The following PSPC1 variants were observed in gnomAD, a reference collection of about 807,000 sequenced individuals.
PSPC1 encodes the protein paraspeckle protein 1.
Under a neutral mutation model 51.6 loss-of-function variants are expected in PSPC1, and 14 were observed. The observed-to-expected ratio is 0.27, with a 90% CI of 0.18 to 0.42. The LOEUF is 0.42. Ranked by LOEUF, PSPC1 falls within the 10% of genes least tolerant of loss-of-function variation. PSPC1 has a pLI of 1.00. For synonymous variants in PSPC1, 193 were observed against 231.9 expected (o/e 0.83, Z 1.53); for missense variants, 406 against 701.1 (o/e 0.58, Z 4.75).
rs1438530542 is a variant in PSPC1 at position 19,755,315 on chromosome 13, C to A, written c.771-3848G>T. 2.0e-5 allele frequency among the ~76,000 whole-genome samples: 3 copies of A among 152,022 alleles called. No homozygotes were observed. In the South Asian group the frequency reaches 6.2e-4, roughly 32 times the overall value. On this transcript the variant is annotated intron_variant, in intron 3 of 8. Transcript: ENST00000338910. ...AAGAATAGATATTAATTAGGCTGGG[C>A]ATGGTGGCTCACGCCTGTAATCCCA... is the stretch of plus-strand genomic sequence containing the variant.
intron 6 of PSPC1, among the ~76,000 whole-genome samples, chr13:19,710,440 T>C (rs537421880): frequency 6.6e-6 from 1 of 152,168 alleles, no homozygotes; most frequent in Non-Finnish European, 1.5e-5. Context: ...CCATTTCCAA[T>C]CACAGAAAAC....
At chr13:19,689,952 C>T (rs565900165) in intron 6 of PSPC1, among the ~76,000 whole-genome samples, 19 of 152,068 alleles carry the variant, frequency 1.2e-4, no homozygotes, top group African/African-American at 4.1e-4. Flanking sequence ...AAGCAAGCAA[C>T]TGAAAAAAAG....
At chr13:19,705,561 G>A (rs1366860464) in intron 8 of PSPC1, 101 bp downstream of exon 8, 13 of 791,480 alleles carry the variant, frequency 1.6e-5, no homozygotes, top group Middle Eastern at 4.1e-4. Context: ...TTCATTGGCT[G>A]CCAAAACAAA....
intron 7 of PSPC1, chr13:19,675,154 G>C (rs780686473): frequency 1.3e-5 from 2 of 152,790 alleles, no homozygotes; most frequent in Non-Finnish European, 2.9e-5. Context: ...TTGCTTGCCT[G>C]AGCCAGTTCA....
intron 6 of PSPC1, among the ~76,000 whole-genome samples, chr13:19,727,164 C>T (rs894911474): frequency 6.6e-6 from 1 of 152,180 alleles, no homozygotes; most frequent in Admixed American, 6.5e-5. Flanking sequence ...GAAGCCAAGG[C>T]GGGCAGATCA....
intron 2 of PSPC1, among the ~76,000 whole-genome samples, chr13:19,763,329 CT>C (rs1423846819): frequency 6.6e-6 from 1 of 152,006 alleles, no homozygotes; most frequent in Non-Finnish European, 1.5e-5. Flanking sequence ...CCAGGTTACT[CT>C]TTTTGCAAAT....
In PSPC1 at chr13:19,776,050, CA is replaced by C. The variant is rs373885544; in HGVS notation, c.373-3508del. Among the ~76,000 whole-genome samples, 87 of 140,348 alleles carry C rather than the reference CA, an allele frequency of 6.2e-4. 1 individual carries two copies. The highest frequency in any genetic ancestry group is 5.3e-3 in the Admixed American group (75 of 14,024). The allele number at this position is 140,348 out of a possible 152,430, so 92.1% of individuals were successfully genotyped here. A position where few individuals can be genotyped will look rare whatever the true frequency, so the allele number is the denominator to read the frequency against. The stretch of plus-strand genomic sequence containing the variant: ...TGGGTGACAGAGCAAGACTCCATCT[CA>C]AAAAAAAAATAAAATAAAATGAGAA... On this transcript the variant is annotated intron_variant, in intron 1 of 8. Transcript: ENST00000338910.
chr13:19,759,861 CAAA>C (rs60889099), intron 2 of PSPC1, among the ~76,000 whole-genome samples: 1 of 131,778 alleles, frequency 7.6e-6, no homozygotes, highest in Non-Finnish European at 1.6e-5. Flanking sequence ...GACTCCATCA[CAAA>C]AAAAAAAAAA....
At chr13:19,708,889 G>C (rs1270463453) in intron 7 of PSPC1, among the ~76,000 whole-genome samples, 1 of 152,138 alleles carries the variant, frequency 6.6e-6, no homozygotes, top group Non-Finnish European at 1.5e-5. Context: ...TAGGACAGGC[G>C]AGGTGGCTCA....
rs538377221 is a variant in PSPC1, at chr13:19,711,480, CA to C, written c.1159-1882del. Reference sequence around the variant, plus strand: ...TGAAACCCCGTTTCTACTAAAAATACAAAAAAAATTAGCCAGGTGTGGTGGC... The same window carrying C: ...TGAAACCCCGTTTCTACTAAAAATACAAAAAAATTAGCCAGGTGTGGTGGC... On this transcript the variant is annotated intron_variant, in intron 6 of 8. Transcript: ENST00000338910. Among the ~76,000 whole-genome samples the C allele has an allele frequency of 1.3e-4, 20 of 150,854 alleles. No individual in the cohort carries two copies. The South Asian group carries it at 2.9e-3, about 22-fold the overall frequency.
In PSPC1 at chr13:19,782,257, T is replaced by A. The variant is rs1352536574; in HGVS notation, c.372+129A>T. ...GGCCAACCCCGCACAGAGGAATCGA[T>A]GAGGCCGAGCGGCGCCACGGTTGCC... On this transcript the variant is annotated intron_variant, in intron 1 of 8. Coordinates refer to ENST00000338910, the MANE Select transcript of PSPC1 (RefSeq NM_001354909.2). The surrounding 1 kb of genome is among the most constrained non-coding windows in gnomAD (Gnocchi z 4.5). The A allele has an allele frequency of 1.5e-6, 2 of 1,372,706 alleles. No homozygotes were observed. The highest frequency in any genetic ancestry group is 3.0e-5 in the African/African-American group (2 of 66,324). The allele number at this position is 1,372,706 out of a possible 1,614,324, so 85.0% of individuals were successfully genotyped here.
intron 6 of PSPC1, among the ~76,000 whole-genome samples, chr13:19,718,242 A>G (rs534246848): frequency 2.0e-5 from 3 of 152,318 alleles, no homozygotes; most frequent in Admixed American, 2.0e-4. Context: ...TTTAAAAAAT[A>G]TAAGACAATC....
chr13:19,738,513 C>T lies in PSPC1; in HGVS notation c.1052+3052G>A, dbSNP rs145972587. The stretch of plus-strand genomic sequence containing the variant: ...ACTGTTTACAGAGAACGACAAGTAA[C>T]AAAAAGTCCTCCTACACACTTAAAA... On this transcript the variant is annotated intron_variant, in intron 5 of 8. Coordinates refer to ENST00000338910, the MANE Select transcript of PSPC1 (RefSeq NM_001354909.2). Among the ~76,000 whole-genome samples, 30 of 152,208 alleles carry T rather than the reference C, an allele frequency of 2.0e-4. No individual in the cohort carries two copies. The East Asian group carries it at 3.9e-3, about 20-fold the overall frequency.
intron 2 of PSPC1, among the ~76,000 whole-genome samples, chr13:19,768,723 A>G (rs1239840235): frequency 6.6e-6 from 1 of 151,104 alleles, no homozygotes; most frequent in Admixed American, 6.6e-5. Flanking sequence ...ATATTTCAGG[A>G]AAGATATATA....
chr13:19,760,215 T>A (rs867957202), intron 2 of PSPC1, among the ~76,000 whole-genome samples: 13 of 152,142 alleles, frequency 8.5e-5, no homozygotes, highest in Admixed American at 2.6e-4. Context: ...TATCTATCAG[T>A]ATTGTTCAGA....
chr13:19,733,223 A>C (rs1158520058), intron 5 of PSPC1, among the ~76,000 whole-genome samples: 1 of 152,220 alleles, frequency 6.6e-6, no homozygotes, highest in African/African-American at 2.4e-5. Context: ...GACAAGAAAC[A>C]CATCTGTTAC....
At chr13:19,741,158 GCTACTGC>G (rs1177189010) in intron 5 of PSPC1, among the ~76,000 whole-genome samples, 4 of 152,146 alleles carry the variant, frequency 2.6e-5, no homozygotes, top group Non-Finnish European at 5.9e-5. Context: ...ACAGGCATGA[GCTACTGC>G]CCCCAGCCTC....
chr13:19,762,068 A>AT (rs1261336436), intron 2 of PSPC1, among the ~76,000 whole-genome samples: 2 of 152,208 alleles, frequency 1.3e-5, no homozygotes, highest in Non-Finnish European at 2.9e-5. Context: ...TATGTTAGAG[A>AT]TTTTAACAAA....
rs1429915702 is a variant in PSPC1, at chr13:19,782,687, G to T, written c.71C>A (p.Ser24Tyr). ...KNPARLRALE[S>Y]AVGESEPAAA... The stretch of plus-strand genomic sequence containing the variant: ...CGCCGGCTCGCTCTCGCCCACCGCG[G>T]ACTCCAGGGCGCGAAGGCGGGCCGG... The change falls in exon 1 of 9, where the codon TCC becomes TAC. Residue 24 changes from serine (S) to tyrosine (Y), a missense_variant. Physicochemically the swap from Ser to Tyr is moderately radical, Grantham distance 144 (BLOSUM62 -2). Coordinates refer to ENST00000338910, the MANE Select transcript of PSPC1 (RefSeq NM_001354909.2). The surrounding 1 kb of genome is among the most constrained non-coding windows in gnomAD (Gnocchi z 4.5). 2 of 1,568,342 alleles carry T rather than the reference G, an allele frequency of 1.3e-6. No homozygotes were observed. The highest frequency in any genetic ancestry group is 2.8e-5 in the African/African-American group (2 of 70,412).
Sources: gnomAD v4.1 joint callset for allele counts (sites outside exome capture counted in the v4.1 genomes callset) on GRCh38, gnomAD v4.1.1 for gene constraint, Gnocchi (gnomAD v3.1) non-coding constraint, MANE v1.5 for transcripts, NCBI Gene and HGNC (gene_info 2026-07-23, HGNC 2026-07-21) for gene names.